PLCB4: variants seen among roughly 807,000 people sequenced by gnomAD.
PLCB4 encodes the protein phospholipase C beta 4.
A neutral mutation model predicts 178.8 loss-of-function variants in PLCB4; 77 were observed. The observed-to-expected ratio is 0.43, with a 90% confidence interval of 0.36 to 0.52. PLCB4 has a LOEUF of 0.52. PLCB4 is among the 20% of genes least tolerant of loss of function. The pLI is 0.00. For synonymous variants in PLCB4, 496 were observed against 490.8 expected, an observed-to-expected ratio of 1.01 and a Z score of -0.14; for missense variants, 1,024 against 1,453.4, an observed-to-expected ratio of 0.70 and a Z score of 4.80.
At chr20:9,213,007 C>G (rs910503100) in intron 2 of PLCB4, among the ~76,000 whole-genome samples, 2 of 151,904 alleles carry the variant, frequency 1.3e-5, no homozygotes, top group Admixed American at 6.6e-5. Context: ...TGCTGCTCCT[C>G]TAGTCATAGA....
chr20:9,293,389 G>A (rs1335816345), intron 3 of PLCB4, among the ~76,000 whole-genome samples: 1 of 145,508 alleles, frequency 6.9e-6, no homozygotes, highest in Non-Finnish European at 1.5e-5. Flanking sequence ...GGGAAGGAAA[G>A]GGAAGGAAAG....
At chr20:9,266,787 C>T (rs2094353734) in intron 3 of PLCB4, among the ~76,000 whole-genome samples, 1 of 152,030 alleles carries the variant, frequency 6.6e-6, no homozygotes, top group Admixed American at 6.6e-5. Context: ...TATCTTGATT[C>T]ATTGCTACAT....
chr20:9,334,398 A>G (rs1234912667), intron 4 of PLCB4, among the ~76,000 whole-genome samples: 1 of 152,196 alleles, frequency 6.6e-6, no homozygotes, highest in African/African-American at 2.4e-5. Context: ...CTAAGATATT[A>G]TGTCCTGAAG....
chr20:9,138,244 T>C (rs73895592), intron 2 of PLCB4, among the ~76,000 whole-genome samples: 2,424 of 152,166 alleles, frequency 0.016, 45 homozygotes, highest in African/African-American at 0.056. Context: ...TTTGGAGAAA[T>C]GCCTGGACTT....
intron 12 of PLCB4, among the ~76,000 whole-genome samples, chr20:9,378,212 T>C (rs1983572): frequency 0.23 from 34,562 of 152,068 alleles, 7,566 homozygotes; most frequent in African/African-American, 0.57. Context: ...TGGATTTGCC[T>C]CATCATCTCC....
intron 13 of PLCB4, among the ~76,000 whole-genome samples, chr20:9,383,319 A>G (rs2037302892): frequency 6.6e-6 from 1 of 152,230 alleles, no homozygotes; most frequent in South Asian, 2.1e-4. Flanking sequence ...AATAATCAAA[A>G]ATGTAAATCA....
chr20:9,479,060 CA>C lies in PLCB4; in HGVS notation c.*54del. The C allele has an allele frequency of 8.0e-7, 1 of 1,242,638 alleles. No homozygotes were observed. The highest frequency in any genetic ancestry group is 1.2e-6 in the Non-Finnish European group (1 of 846,624). The allele number at this position is 1,242,638 out of a possible 1,614,324, so 77.0% of individuals were successfully genotyped here. A position where few individuals can be genotyped will look rare whatever the true frequency, so the allele number is the denominator to read the frequency against. On this transcript the variant is annotated 3_prime_UTR_variant, in exon 40 of 40. Transcript: ENST00000378473. ...AGACTCACTCACAAACTTCTGAACACAAACTCCATGGATGAAAGCTGTTTAT... is the reference window on the plus strand; with the variant it reads ...AGACTCACTCACAAACTTCTGAACACAACTCCATGGATGAAAGCTGTTTAT...
chr20:9,092,442 A>C (rs896966157), intron 1 of PLCB4, among the ~76,000 whole-genome samples: 1 of 152,092 alleles, frequency 6.6e-6, no homozygotes, highest in Non-Finnish European at 1.5e-5. Context: ...ACAAGTGGGA[A>C]TTGTTGATGA....
At chr20:9,322,574 G>A (rs2094973970) in intron 4 of PLCB4, among the ~76,000 whole-genome samples, 1 of 152,202 alleles carries the variant, frequency 6.6e-6, no homozygotes, top group Non-Finnish European at 1.5e-5. Context: ...TTACGCTGAG[G>A]ACAGCATGCT....
chr20:9,183,255 G>C (rs971606545), intron 2 of PLCB4, among the ~76,000 whole-genome samples: 4 of 152,038 alleles, frequency 2.6e-5, no homozygotes, highest in Non-Finnish European at 5.9e-5. Flanking sequence ...AAGCATAATG[G>C]GGTAACTCCA....
chr20:9,386,356 G>A (rs990550632), intron 14 of PLCB4, among the ~76,000 whole-genome samples: 11 of 152,086 alleles, frequency 7.2e-5, no homozygotes, highest in Admixed American at 2.6e-4. Context: ...TATTAAAATC[G>A]TTTTTGTTTT....
chr20:9,242,228 C>T (rs746372222), intron 3 of PLCB4, among the ~76,000 whole-genome samples: 2 of 152,156 alleles, frequency 1.3e-5, no homozygotes, highest in South Asian at 2.1e-4. Context: ...AGCAGTCTGC[C>T]GCAAGCTGGG....
intron 3 of PLCB4, among the ~76,000 whole-genome samples, chr20:9,293,619 A>G (rs1166864834): frequency 7.1e-6 from 1 of 140,978 alleles, no homozygotes; most frequent in African/African-American, 2.7e-5. Flanking sequence ...CCACAGAGTA[A>G]AATATTCATT....
At chr20:9,475,680 G>A (rs544063351) in intron 38 of PLCB4, among the ~76,000 whole-genome samples, 13 of 152,176 alleles carry the variant, frequency 8.5e-5, no homozygotes, top group Non-Finnish European at 1.8e-4. Flanking sequence ...AATATGGCCT[G>A]TTCAATTGCA....
chr20:9,319,819 G>A (rs985132406), intron 4 of PLCB4, among the ~76,000 whole-genome samples: 10 of 152,116 alleles, frequency 6.6e-5, no homozygotes, highest in Non-Finnish European at 7.4e-5. Flanking sequence ...AGACACACCC[G>A]GAAGTAATAT....
At chr20:9,408,539 A>G in intron 22 of PLCB4, 94 bp from the exon 23 acceptor site, 2 of 642,968 alleles carry the variant, frequency 3.1e-6, no homozygotes, top group Non-Finnish European at 5.8e-6. Context: ...CCAAGGCCTC[A>G]TGATTCAGGG....
intron 4 of PLCB4, among the ~76,000 whole-genome samples, chr20:9,314,244 C>T (rs2094872344): frequency 2.0e-5 from 3 of 152,106 alleles, no homozygotes; most frequent in African/African-American, 7.2e-5. Context: ...TCTAGGGAAC[C>T]TTTGATGGGG....
At chr20:9,391,386 A>G in intron 17 of PLCB4, among the ~76,000 whole-genome samples, 1 of 152,192 alleles carries the variant, frequency 6.6e-6, no homozygotes, top group East Asian at 1.9e-4. Context: ...AAGGCAGCTA[A>G]TGAAATCAAA....
intron 3 of PLCB4, among the ~76,000 whole-genome samples, chr20:9,221,066 G>C (rs2093792512): frequency 6.6e-6 from 1 of 152,120 alleles, no homozygotes; most frequent in Non-Finnish European, 1.5e-5. Flanking sequence ...TTCTGCACAA[G>C]TGGTTTATCA....
Sources: gnomAD v4.1 joint callset for allele counts (sites outside exome capture counted in the v4.1 genomes callset) on GRCh38, gnomAD v4.1.1 for gene constraint, MANE v1.5 for transcripts, NCBI Gene and HGNC (gene_info 2026-07-23, HGNC 2026-07-21) for gene names.